MYO1D: variants seen among roughly 807,000 people sequenced by gnomAD.
The protein encoded by MYO1D is unconventional myosin-Id.
A neutral mutation model predicts 122.0 loss-of-function variants in MYO1D; 83 were observed. That is an observed-to-expected ratio of 0.68 (90% CI 0.57 to 0.82). The LOEUF (loss-of-function observed/expected upper bound fraction) is 0.82. Among genes scored for constraint, MYO1D ranks in the 40% least tolerant of loss-of-function variants. The pLI, the probability that MYO1D is intolerant of heterozygous loss-of-function variation, is 0.00. For missense variants in MYO1D, 1,157 were observed against 1,269.5 expected, an observed-to-expected ratio of 0.91 and a Z score of 1.35; for synonymous variants, 464 against 446.9, an observed-to-expected ratio of 1.04 and a Z score of -0.48.
At chr17:32,605,410 C>T (rs1021022229) in intron 20 of MYO1D, among the ~76,000 whole-genome samples, 169 bp from the exon 21 acceptor site, 2 of 152,094 alleles carry the variant, frequency 1.3e-5, no homozygotes, top group Non-Finnish European at 2.9e-5. Context: ...GCCTGGACAA[C>T]ATAACGAGAC....
chr17:32,602,228 T>A (rs2087570548), intron 21 of MYO1D, among the ~76,000 whole-genome samples: 1 of 152,208 alleles, frequency 6.6e-6, no homozygotes, highest in African/African-American at 2.4e-5. Context: ...ATCTGCTAAT[T>A]CTAGTATCTT....
intron 20 of MYO1D, among the ~76,000 whole-genome samples, chr17:32,633,269 T>C (rs1174293429): frequency 1.3e-5 from 2 of 151,174 alleles, no homozygotes; most frequent in African/African-American, 4.9e-5. Context: ...AATGAAAAGA[T>C]AACAAAATCA....
chr17:32,600,211 A>G (rs960221484), intron 21 of MYO1D, among the ~76,000 whole-genome samples: 1 of 152,198 alleles, frequency 6.6e-6, no homozygotes, highest in African/African-American at 2.4e-5. Flanking sequence ...GATGTGCTGT[A>G]ATCCAGGCCT....
chr17:32,501,590 G>C (rs1022464128), intron 21 of MYO1D, among the ~76,000 whole-genome samples: 1 of 152,156 alleles, frequency 6.6e-6, no homozygotes, highest in Non-Finnish European at 1.5e-5. Context: ...AAAAACTCAA[G>C]AAGGATGGGT....
chr17:32,564,797 G>A (rs59496809), intron 21 of MYO1D, among the ~76,000 whole-genome samples: 3 of 152,198 alleles, frequency 2.0e-5, no homozygotes, highest in Non-Finnish European at 2.9e-5. Flanking sequence ...GCCATGTGGT[G>A]TTTACAGGGA....
chr17:32,866,838 G>A (rs971316803), intron 1 of MYO1D, among the ~76,000 whole-genome samples: 15 of 152,212 alleles, frequency 9.9e-5, no homozygotes, highest in Admixed American at 9.2e-4. Flanking sequence ...CCACAGGGCA[G>A]GGGGAGGAAG....
chr17:32,752,764 A>G (rs9907210), intron 11 of MYO1D, among the ~76,000 whole-genome samples: 5,491 of 152,278 alleles, frequency 0.036, 330 homozygotes, highest in African/African-American at 0.12. Flanking sequence ...AAAAATGTCA[A>G]AAACAGATGG....
intron 1 of MYO1D, among the ~76,000 whole-genome samples, chr17:32,789,903 G>A (rs1354230566): frequency 6.6e-6 from 1 of 152,172 alleles, no homozygotes; most frequent in Non-Finnish European, 1.5e-5. Context: ...TGAACTGTGA[G>A]ACAATACACT....
chr17:32,581,502 C>CCCTTTT (rs577160401), intron 21 of MYO1D, among the ~76,000 whole-genome samples: 3 of 151,634 alleles, frequency 2.0e-5, no homozygotes, highest in African/African-American at 4.8e-5. Flanking sequence ...TCCCTCCCTT[C>CCCTTTT]CCTTTTCCTT....
At chr17:32,741,976 C>T (rs979289683) in intron 13 of MYO1D, among the ~76,000 whole-genome samples, 19 of 144,010 alleles carry the variant, frequency 1.3e-4, no homozygotes, top group Non-Finnish European at 2.7e-4. Context: ...GATCGCGCCA[C>T]TGCACTACAG....
intron 1 of MYO1D, among the ~76,000 whole-genome samples, chr17:32,856,224 G>A (rs1010780290): frequency 6.6e-6 from 1 of 152,192 alleles, no homozygotes; most frequent in South Asian, 2.1e-4. Context: ...AAAAGCATAG[G>A]AGCCTTCATC....
chr17:32,713,283 A>T (rs1420753264), intron 15 of MYO1D, among the ~76,000 whole-genome samples: 1 of 152,166 alleles, frequency 6.6e-6, no homozygotes, highest in Non-Finnish European at 1.5e-5. Context: ...TAGCTGTTCC[A>T]ACACTATTAA....
chr17:32,543,343 G>A (rs904081269), intron 21 of MYO1D, among the ~76,000 whole-genome samples: 2 of 151,722 alleles, frequency 1.3e-5, no homozygotes, highest in African/African-American at 2.4e-5. Context: ...ATGGGAGGCC[G>A]TGGCGGGCAG....
intron 19 of MYO1D, among the ~76,000 whole-genome samples, chr17:32,641,270 C>T (rs936614796): frequency 6.6e-6 from 1 of 151,332 alleles, no homozygotes; most frequent in Non-Finnish European, 1.5e-5. Flanking sequence ...TGAACTCATC[C>T]TTTTTTATGG....
At chr17:32,716,103 C>T (rs565306081) in intron 15 of MYO1D, among the ~76,000 whole-genome samples, 124 of 152,308 alleles carry the variant, frequency 8.1e-4, no homozygotes, top group Middle Eastern at 3.4e-3. Context: ...TCCTCACTAT[C>T]CATCAATCAT....
chr17:32,753,450 T>C (rs2089918025), intron 11 of MYO1D, among the ~76,000 whole-genome samples: 1 of 152,148 alleles, frequency 6.6e-6, no homozygotes, highest in African/African-American at 2.4e-5. Context: ...GTCTTAGGGA[T>C]ACCAAAAGAA....
At chr17:32,679,392 G>C (rs1277720432) in intron 16 of MYO1D, among the ~76,000 whole-genome samples, 2 of 151,934 alleles carry the variant, frequency 1.3e-5, no homozygotes, top group African/African-American at 4.8e-5. Flanking sequence ...TATGGTTTTA[G>C]GTCTAACGTT....
intron 15 of MYO1D, among the ~76,000 whole-genome samples, chr17:32,719,593 G>T (rs2089486858): frequency 6.6e-6 from 1 of 151,810 alleles, no homozygotes; most frequent in African/African-American, 2.4e-5. Flanking sequence ...CTCATGATCT[G>T]CCCCCCTCAG....
chr17:32,864,202 C>T (rs906063672), intron 1 of MYO1D, among the ~76,000 whole-genome samples: 9 of 151,718 alleles, frequency 5.9e-5, no homozygotes, highest in African/African-American at 2.2e-4. Flanking sequence ...CACTAGAGTG[C>T]CAGGGCCTGA....
Sources: gnomAD v4.1 joint callset for allele counts (sites outside exome capture counted in the v4.1 genomes callset) on GRCh38, gnomAD v4.1.1 for gene constraint, MANE v1.5 for transcripts, NCBI Gene and HGNC (gene_info 2026-07-23, HGNC 2026-07-21) for gene names.